The following SUSD2 variants were observed in gnomAD, a reference collection of about 807,000 sequenced individuals.
The protein encoded by SUSD2 is sushi domain-containing protein 2.
In SUSD2, 86 loss-of-function variants were observed where a neutral mutation model predicts 93.8. The observed-to-expected ratio is 0.92, with a 90% confidence interval of 0.77 to 1.10. SUSD2 has a LOEUF of 1.10. SUSD2 is among the 50% of genes least tolerant of loss of function. SUSD2 has a pLI of 0.00. For missense variants in SUSD2, 1,060 were observed against 1,137.0 expected (o/e 0.93, Z 0.97); for synonymous variants, 483 against 485.0 (o/e 1.00, Z 0.05).
rs1257380538 is a variant in SUSD2 at position 24,183,666 on chromosome 22, C to T, written c.439+20C>T. ...TGGCTGGTGAGCCCTCCTCCCTGCC[C>T]ACAGCCTGCCCCCACGGGGACTTTC... On this transcript the variant is annotated intron_variant, in intron 3 of 14. Coordinates refer to ENST00000358321, the MANE Select transcript of SUSD2 (RefSeq NM_019601.4). The T allele has an allele frequency of 3.1e-6, 5 of 1,605,280 alleles. No homozygotes were observed. Among genetic ancestry groups the T allele is most frequent in the Non-Finnish European group, 4.2e-6 (5 of 1,178,494 alleles).
Position 24,188,471 on chromosome 22 carries a change from C to T in SUSD2, c.*35C>T. ...CTTGGCTGTGAGCACCAGGCCAAGA[C>T]TCCTGAGAACAGGCAGCCCAGTCCT... On this transcript the variant is annotated 3_prime_UTR_variant, in exon 15 of 15. Coordinates refer to ENST00000358321, the MANE Select transcript of SUSD2 (RefSeq NM_019601.4). This position sits in a 1 kb window ranked among gnomAD's most constrained non-coding sequence, Gnocchi z 4.7. The T allele has an allele frequency of 6.2e-7, 1 of 1,602,212 alleles. No homozygotes were observed. Among genetic ancestry groups the T allele is most frequent in the South Asian group, 1.1e-5 (1 of 90,942 alleles).
At chr22:24,182,931 C>T (rs1338548324) in intron 1 of SUSD2, 126 bp from the exon 2 acceptor site, 1 of 753,492 alleles carries the variant, frequency 1.3e-6, no homozygotes, top group East Asian at 2.7e-5. Flanking sequence ...CTGTGCAGTT[C>T]CTGGCCAGCG....
chr22:24,187,201 G>A lies in SUSD2; in HGVS notation c.1643-1G>A. On this transcript the variant is annotated splice_acceptor_variant, in intron 10 of 14. Coordinates refer to ENST00000358321, the MANE Select transcript of SUSD2 (RefSeq NM_019601.4). LOFTEE classifies it high-confidence loss of function. ...CCCTAATGCATCCCCCTTGAGCCCA[G>A]GAATGTTCCTGTCGGTGGCTGCCGG... The A allele has an allele frequency of 6.2e-7, 1 of 1,612,034 alleles. No individual in the cohort carries two copies. Among genetic ancestry groups the A allele is most frequent in the Non-Finnish European group, 8.5e-7 (1 of 1,179,910 alleles).
rs2047367080 is a variant in SUSD2 at position 24,186,423 on chromosome 22, G to T, written c.1642+8G>T. Reference sequence around the variant, plus strand: ...GCTGGATGGACCTGAAAGGTGAGCAGTCCAGCCACGCGAGGCTGCGGGCTG... The same window carrying T: ...GCTGGATGGACCTGAAAGGTGAGCATTCCAGCCACGCGAGGCTGCGGGCTG... On this transcript the variant is annotated splice_region_variant and intron_variant, in intron 10 of 14. Transcript: ENST00000358321. The T allele has an allele frequency of 3.7e-6, 6 of 1,612,466 alleles. No individual in the cohort carries two copies. Among genetic ancestry groups the T allele is most frequent in the Non-Finnish European group, 5.1e-6 (6 of 1,179,760 alleles).
Position 24,185,947 on chromosome 22 carries a change from C to A in SUSD2, c.1339+18C>A. The A allele has an allele frequency of 6.4e-7, 1 of 1,569,812 alleles. No homozygotes were observed. Among genetic ancestry groups the A allele is most frequent in the Non-Finnish European group, 8.7e-7 (1 of 1,153,674 alleles). On this transcript the variant is annotated intron_variant, in intron 8 of 14. Coordinates refer to ENST00000358321, the MANE Select transcript of SUSD2 (RefSeq NM_019601.4). ...AAGACTGGGTGGGTGCCATCCCGTG[C>A]CCCAGACCCTGGGAAAGATCGGGCT...
chr22:24,184,675 A>G, intron 4 of SUSD2, 91 bp from the exon 5 acceptor site: 4 of 1,126,800 alleles, frequency 3.5e-6, no homozygotes, highest in Non-Finnish European at 5.1e-6. Flanking sequence ...CTGGCGGTCC[A>G]TCCACCCATC....
At position 24,187,579 on chromosome 22, in the gene SUSD2, C is replaced by T. The variant is rs2047377591; in HGVS notation, c.1900C>T (p.His634Tyr). 1.9e-6 allele frequency: 3 copies of T among 1,611,730 alleles called. No homozygotes were observed. Among genetic ancestry groups the T allele is most frequent in the Non-Finnish European group, 2.5e-6 (3 of 1,178,456 alleles). Residue 634 changes from histidine to tyrosine, a missense_variant, in exon 12 of 15, where the codon CAC becomes TAC. His to Tyr is a moderately conservative substitution (Grantham distance 83). Coordinates refer to ENST00000358321, the MANE Select transcript of SUSD2 (RefSeq NM_019601.4). The part of the protein sequence containing the change: ...LFLFGANWTV[H>Y]NASSLLTYDS... ...GGTCATGTATCTTCCAGGGACCGTG[C>T]ACAATGCGTCCTCCCTGCTCACCTA...
Position 24,185,508 on chromosome 22 carries a change from A to T in SUSD2, c.1007A>T (p.Glu336Val). ...RFFTDYGCDM[E>V]QGSVCTYHPG... Reference sequence around the variant, plus strand: ...CAGACGGACTACGGCTGTGACATGGAGCAGGGCAGCGTGTGCACCTACCAC... The same window carrying T: ...CAGACGGACTACGGCTGTGACATGGTGCAGGGCAGCGTGTGCACCTACCAC... The change falls in exon 7 of 15, where the codon GAG becomes GTG. Residue 336 changes from glutamate (E) to valine (V), a missense_variant. Physicochemically the swap from Glu to Val is moderately radical, Grantham distance 121. This residue lies in a region of SUSD2 where 973 missense variants were observed against 1,005.3 expected (regional missense o/e 0.97). Transcript: ENST00000358321. 1.3e-6 allele frequency: 2 copies of T among 1,571,312 alleles called. No homozygotes were observed. Among genetic ancestry groups the T allele is most frequent in the Non-Finnish European group, 1.7e-6 (2 of 1,158,246 alleles).
rs761360756 is a variant in SUSD2, at chr22:24,185,537, G to A, written c.1036G>A (p.Gly346Arg). Residue 346 changes from glycine to arginine, a missense_variant, in exon 7 of 15, where the codon GGG becomes AGG. By Grantham distance (125) the Gly-to-Arg change is moderately radical (BLOSUM62 -2). Around this residue, in one of 2 missense-constraint regions of SUSD2, gnomAD observed 973 missense variants for 1,005.3 expected, o/e 0.97. Transcript: ENST00000358321. ...EQGSVCTYHP[G>R]AVHCVRSVQA... Reference sequence around the variant, plus strand: ...GGGCAGCGTGTGCACCTACCACCCCGGGGCCGTGCACTGTGTGCGTTCTGT... The same window carrying A: ...GGGCAGCGTGTGCACCTACCACCCCAGGGCCGTGCACTGTGTGCGTTCTGT... The A allele has an allele frequency of 1.8e-5, 28 of 1,584,358 alleles. No homozygotes were observed. Among genetic ancestry groups the A allele is most frequent in the South Asian group, 6.9e-5 (6 of 87,432 alleles).
chr22:24,187,767 T>C lies in SUSD2; in HGVS notation c.2088T>C (p.Thr696=), dbSNP rs756176661. The change falls in exon 12 of 15, where the codon ACT becomes ACC. Residue 696 remains threonine (T), a synonymous_variant. Coordinates refer to ENST00000358321, the MANE Select transcript of SUSD2 (RefSeq NM_019601.4). The part of the protein sequence containing the change: ...DHFCNFDVAA[T]GSLSTGTATR... ...TCTGCAACTTTGATGTGGCAGCCAC[T>C]GGGAGCCTGAGCACGGGCACTGCCA... is the stretch of plus-strand genomic sequence containing the variant. 5 of 1,606,400 alleles carry C rather than the reference T, an allele frequency of 3.1e-6. No homozygotes were observed. Among genetic ancestry groups the C allele is most frequent in the Non-Finnish European group, 4.3e-6 (5 of 1,176,284 alleles).
rs749537786 is a variant in SUSD2 at position 24,188,335 on chromosome 22, C to A, written c.2444+8C>A. 1.9e-6 allele frequency: 3 copies of A among 1,607,472 alleles called. No individual in the cohort carries two copies. Among genetic ancestry groups the A allele is most frequent in the South Asian group, 1.1e-5 (1 of 90,926 alleles). ...CCGCAGGAAGGGCAACACGTGAGAC[C>A]CCCCAGCCCCTCTCCCAAGACCCCG... On this transcript the variant is annotated splice_region_variant and intron_variant, in intron 14 of 14. Transcript: ENST00000358321. This position sits in a 1 kb window ranked among gnomAD's most constrained non-coding sequence, Gnocchi z 4.7.
chr22:24,188,617 C>T lies in SUSD2; in HGVS notation c.*181C>T. 1.6e-6 allele frequency: 1 copy of T among 614,714 alleles called. No individual in the cohort carries two copies. Among genetic ancestry groups the T allele is most frequent in the Admixed American group, 2.8e-5 (1 of 35,204 alleles). 38.1% of individuals were successfully genotyped at this position (614,714 alleles called of 1,614,324 possible). On this transcript the variant is annotated 3_prime_UTR_variant, in exon 15 of 15. Transcript: ENST00000358321. The surrounding 1 kb of genome is among the most constrained non-coding windows in gnomAD (Gnocchi z 4.7). ...GAGGCCCAGTGTTCCAACACCCAAG[C>T]CCCGTGCTAGCAGCGCTCCGTGCTC... is the stretch of plus-strand genomic sequence containing the variant.
Position 24,185,114 on chromosome 22 carries a change from C to G in SUSD2, c.803C>G (p.Thr268Ser). The G allele has an allele frequency of 6.2e-7, 1 of 1,612,930 alleles. No homozygotes were observed. ...AGQKDVQALW[T>S]NDHALAWHLS... ...CACAGGGACGTGCAGGCGCTCTGGACCAACGACCACGCACTGGCCTGGCAC... is the reference window on the plus strand; with the variant it reads ...CACAGGGACGTGCAGGCGCTCTGGAGCAACGACCACGCACTGGCCTGGCAC... The change falls in exon 6 of 15, where the codon ACC (threonine) becomes AGC (serine). Residue 268 changes from threonine (T) to serine (S), a missense_variant. Thr to Ser is a moderately conservative substitution (Grantham distance 58). Around this residue, in one of 2 missense-constraint regions of SUSD2, gnomAD observed 973 missense variants for 1,005.3 expected, o/e 0.97. Transcript: ENST00000358321.
Position 24,188,525 on chromosome 22 carries a change from C to G in SUSD2, c.*89C>G. 7.8e-7 allele frequency: 1 copy of G among 1,275,024 alleles called. No individual in the cohort carries two copies. Among genetic ancestry groups the G allele is most frequent in the Non-Finnish European group, 1.1e-6 (1 of 895,146 alleles). The allele number at this position is 1,275,024 out of a possible 1,614,324, so 79.0% of individuals were successfully genotyped here. ...ACTCCCGCATCCCCAGGACCAGACA[C>G]CTGGGACCTGGATACTTGATACCTG... On this transcript the variant is annotated 3_prime_UTR_variant, in exon 15 of 15. Coordinates refer to ENST00000358321, the MANE Select transcript of SUSD2 (RefSeq NM_019601.4). The surrounding 1 kb of genome is among the most constrained non-coding windows in gnomAD (Gnocchi z 4.7).
At position 24,188,523 on chromosome 22, in the gene SUSD2, C is replaced by T; in HGVS notation, c.*87C>T. The T allele has an allele frequency of 1.6e-6, 2 of 1,282,268 alleles. No individual in the cohort carries two copies. Among genetic ancestry groups the T allele is most frequent in the Non-Finnish European group, 2.2e-6 (2 of 900,222 alleles). The allele number at this position is 1,282,268 out of a possible 1,614,324, so 79.4% of individuals were successfully genotyped here. Reference sequence around the variant, plus strand: ...CGACTCCCGCATCCCCAGGACCAGACACCTGGGACCTGGATACTTGATACC... The same window carrying T: ...CGACTCCCGCATCCCCAGGACCAGATACCTGGGACCTGGATACTTGATACC... On this transcript the variant is annotated 3_prime_UTR_variant, in exon 15 of 15. Transcript: ENST00000358321. The surrounding 1 kb of genome is among the most constrained non-coding windows in gnomAD (Gnocchi z 4.7).
rs1426416373 is a variant in SUSD2 at position 24,188,663 on chromosome 22, C to CT, written c.*228dup. 1 of 554,440 alleles carries CT rather than the reference C, an allele frequency of 1.8e-6. No homozygotes were observed. The highest frequency in any genetic ancestry group is 1.9e-5 in the African/African-American group (1 of 53,042). 34.3% of individuals were successfully genotyped at this position (554,440 alleles called of 1,614,324 possible). A position where few individuals can be genotyped will look rare whatever the true frequency, so the allele number is the denominator to read the frequency against. On this transcript the variant is annotated 3_prime_UTR_variant, in exon 15 of 15. Coordinates refer to ENST00000358321, the MANE Select transcript of SUSD2 (RefSeq NM_019601.4). This position sits in a 1 kb window ranked among gnomAD's most constrained non-coding sequence, Gnocchi z 4.7. ...TGCTCTTCCCCAAATACTCACGGCT[C>CT]TAATTCCCCAAACCTGAAACTTCAT...
In SUSD2 at chr22:24,188,724, A is replaced by T; in HGVS notation, c.*288A>T. ...TCTAATACCTATGTCCTGAGCCCTG[A>T]CACTCCCACACCTGAGCCTCAGATT... On this transcript the variant is annotated 3_prime_UTR_variant, in exon 15 of 15. Coordinates refer to ENST00000358321, the MANE Select transcript of SUSD2 (RefSeq NM_019601.4). The surrounding 1 kb of genome is among the most constrained non-coding windows in gnomAD (Gnocchi z 4.7). The T allele has an allele frequency of 2.6e-6, 1 of 388,276 alleles. No homozygotes were observed. The highest frequency in any genetic ancestry group is 4.1e-5 in the South Asian group (1 of 24,642). 24.1% of individuals were successfully genotyped at this position (388,276 alleles called of 1,614,324 possible).
In SUSD2 at chr22:24,187,418, GT is replaced by G. The variant is rs1015294389; in HGVS notation, c.1860del (p.Gln622ArgfsTer78). 6.2e-7 allele frequency: 1 copy of G among 1,613,208 alleles called. No homozygotes were observed. The highest frequency in any genetic ancestry group is 1.3e-5 in the African/African-American group (1 of 74,860). ...GGGCGCGTCCTGCCCCCAGGCACCAGTCCCCAGGAGCTGTTCCTGTTTGGGG... is the reference window on the plus strand; with the variant it reads ...GGGCGCGTCCTGCCCCCAGGCACCAGCCCCAGGAGCTGTTCCTGTTTGGGG... ...HSGRVLPPGT[S>X]PQELFLFGAN... On this transcript the variant is annotated frameshift_variant, in exon 11 of 15. Transcript: ENST00000358321. LOFTEE classifies it high-confidence loss of function.
In SUSD2 at chr22:24,186,112, C is replaced by T. The variant is rs143805165; in HGVS notation, c.1436C>T (p.Thr479Ile). ...GEYVLLEAAL[T>I]DLRVQARAQP... ...TACGTGCTGCTGGAGGCAGCGCTGA[C>T]CGACCTGAGGGTGCAGGCGCGGGCC... Residue 479 changes from threonine to isoleucine, a missense_variant, in exon 9 of 15, where the codon ACC (threonine) becomes ATC (isoleucine). Physicochemically the swap from Thr to Ile is moderately conservative, Grantham distance 89. Around this residue, in one of 2 missense-constraint regions of SUSD2, gnomAD observed 973 missense variants for 1,005.3 expected, o/e 0.97. Transcript: ENST00000358321. 5.1e-3 allele frequency: 8,284 copies of T among 1,612,374 alleles called. 52 individuals are homozygous for T. Among genetic ancestry groups the T allele is most frequent in the Middle Eastern group, 0.011 (68 of 6,060 alleles).
Sources: gnomAD v4.1 joint callset for allele counts on GRCh38, gnomAD v4.1.1 for gene constraint, gnomAD v4.1.1 regional missense constraint, Gnocchi (gnomAD v3.1) non-coding constraint, MANE v1.5 for transcripts, NCBI Gene and HGNC (gene_info 2026-07-23, HGNC 2026-07-21) for gene names.